The following PSKH2 variants were observed in gnomAD, a reference collection of about 807,000 sequenced individuals.
PSKH2 encodes the protein protein serine kinase H2.
Under a neutral mutation model 22.5 loss-of-function variants are expected in PSKH2, and 16 were observed. The observed-to-expected ratio is 0.71, with a 90% CI of 0.48 to 1.08. The LOEUF is 1.08. Ranked by LOEUF, PSKH2 falls within the 50% of genes least tolerant of loss-of-function variation. The pLI is 0.00. For missense variants in PSKH2, 516 were observed against 492.8 expected (o/e 1.05, Z -0.44); for synonymous variants, 188 against 184.8 (o/e 1.02, Z -0.14).
In PSKH2 at chr8:86,067,969, C is replaced by T. The variant is rs927173224; in HGVS notation, c.185+1469G>A. ...CCTCTACTTCTGTGATGCCTTTACACTCTATGGGGCTGGGTCTACCCCTGG... is the reference window on the plus strand; with the variant it reads ...CCTCTACTTCTGTGATGCCTTTACATTCTATGGGGCTGGGTCTACCCCTGG... On this transcript the variant is annotated intron_variant, in intron 1 of 2. Coordinates refer to ENST00000276616, the MANE Select transcript of PSKH2 (RefSeq NM_033126.3). 4.6e-5 allele frequency among the ~76,000 whole-genome samples: 7 copies of T among 152,274 alleles called. No homozygotes were observed. In the South Asian group the frequency reaches 1.0e-3, roughly 23 times the overall value.
intron 2 of PSKH2, among the ~76,000 whole-genome samples, chr8:86,060,894 C>T (rs1052925560): frequency 1.3e-5 from 2 of 152,178 alleles, no homozygotes; most frequent in African/African-American, 4.8e-5. Context: ...TGTTAATGCT[C>T]CATCTAGACC....
rs1817539451 is a variant in PSKH2, at chr8:86,047,114, A to G, written c.*1348T>C. 6.6e-6 allele frequency among the ~76,000 whole-genome samples: 1 copy of G among 152,066 alleles called. No individual in the cohort carries two copies. The highest frequency in any genetic ancestry group is 6.6e-5 in the Admixed American group (1 of 15,264). On this transcript the variant is annotated 3_prime_UTR_variant, in exon 3 of 3. Transcript: ENST00000276616. ...AAAATTCTTTGCCTTTTAAATTTTC[A>G]TTTTCTTTGTCATTTTTATTTTCAT...
chr8:86,062,499 G>T (rs1298838882), intron 2 of PSKH2, among the ~76,000 whole-genome samples: 2 of 152,176 alleles, frequency 1.3e-5, no homozygotes, highest in East Asian at 3.8e-4. Flanking sequence ...GGAGGGGAAC[G>T]AAGTGGAGGT....
At chr8:86,057,213 C>T (rs1020733057) in intron 2 of PSKH2, among the ~76,000 whole-genome samples, 3 of 151,466 alleles carry the variant, frequency 2.0e-5, no homozygotes, top group Non-Finnish European at 4.4e-5. Context: ...TATAAGCCAC[C>T]ATGCCTGGCC....
At chr8:86,054,564 ATTTC>A (rs1817675727) in intron 2 of PSKH2, among the ~76,000 whole-genome samples, 1 of 152,144 alleles carries the variant, frequency 6.6e-6, no homozygotes, top group Admixed American at 6.6e-5. Flanking sequence ...TAATATTTTT[ATTTC>A]TTTATTTCTC....
intron 2 of PSKH2, among the ~76,000 whole-genome samples, chr8:86,061,453 C>G (rs1817776727): frequency 6.6e-6 from 1 of 152,058 alleles, no homozygotes; most frequent in Non-Finnish European, 1.5e-5. Context: ...TAGTTCCCCC[C>G]AACATTGAAT....
chr8:86,049,083 A>AT (rs1817573819), intron 2 of PSKH2, among the ~76,000 whole-genome samples: 2 of 152,200 alleles, frequency 1.3e-5, no homozygotes, highest in African/African-American at 4.8e-5. Flanking sequence ...ACGAGTTCCC[A>AT]TACTGCATTT....
rs115669504 is a variant in PSKH2 at position 86,059,251 on chromosome 8, G to T, written c.852+4714C>A. On this transcript the variant is annotated intron_variant, in intron 2 of 2. Coordinates refer to ENST00000276616, the MANE Select transcript of PSKH2 (RefSeq NM_033126.3). ...CCACAATGCCCAACCTATTTAATTT[G>T]ATGTTTATACCTGAATTCTGGGGAA... Among the ~76,000 whole-genome samples the T allele has an allele frequency of 5.3e-3, 809 of 152,230 alleles. 8 individuals are homozygous for T. The highest frequency in any genetic ancestry group is 0.018 in the African/African-American group (762 of 41,548).
At chr8:86,069,258 C>A (rs1372189462) in intron 1 of PSKH2, among the ~76,000 whole-genome samples, 180 bp downstream of exon 1, 1 of 152,116 alleles carries the variant, frequency 6.6e-6, no homozygotes, top group African/African-American at 2.4e-5. Context: ...GAAAAAGACA[C>A]TCTTGGGTTG....
chr8:86,048,484 G>T lies in PSKH2; in HGVS notation c.1136C>A (p.Ser379Ter). Residue 379 changes from serine to a stop codon, truncating the protein, a stop_gained, in exon 3 of 3, where the codon TCG (serine) becomes TAG (stop). Coordinates refer to ENST00000276616, the MANE Select transcript of PSKH2 (RefSeq NM_033126.3). LOFTEE classifies it high-confidence loss of function. ...WSKRNLRIVE[S>*]PLSALL ...TGCTTACAAAAGCGCAGACAGTGGC[G>T]ATTCTACTATCCTTAAGTTTCTCTT... 6.2e-7 allele frequency: 1 copy of T among 1,612,394 alleles called. No homozygotes were observed. The highest frequency in any genetic ancestry group is 2.2e-5 in the East Asian group (1 of 44,842).
At chr8:86,061,185 G>A (rs1213130773) in intron 2 of PSKH2, among the ~76,000 whole-genome samples, 1 of 152,046 alleles carries the variant, frequency 6.6e-6, no homozygotes, top group Non-Finnish European at 1.5e-5. Flanking sequence ...TGGCCTCTTT[G>A]CCTCCCTTGT....
At chr8:86,069,678 C>T (rs1412294453), upstream of PSKH2, 6 of 1,443,500 alleles carry the variant, frequency 4.2e-6, no homozygotes, top group East Asian at 1.6e-4. Flanking sequence ...CAGCCAGCCC[C>T]GTTCCTCCGC....
intron 2 of PSKH2, among the ~76,000 whole-genome samples, chr8:86,058,719 C>T (rs1488032775): frequency 6.6e-6 from 1 of 152,070 alleles, no homozygotes; most frequent in Non-Finnish European, 1.5e-5. Context: ...GTGGAATGAT[C>T]ATTGAAGATT....
intron 2 of PSKH2, among the ~76,000 whole-genome samples, chr8:86,059,739 G>T (rs1487947919): frequency 1.3e-5 from 2 of 152,136 alleles, no homozygotes; most frequent in African/African-American, 4.8e-5. Flanking sequence ...TGGGTATTAG[G>T]GCATGGACAT....
At chr8:86,066,497 C>T (rs547297148) in intron 1 of PSKH2, 1 of 152,230 alleles carries the variant, frequency 6.6e-6, no homozygotes, top group African/African-American at 2.4e-5. Context: ...GCCACTGTGC[C>T]TGGACTTCAT....
In PSKH2 at chr8:86,048,693, C is replaced by A. The variant is rs543475155; in HGVS notation, c.927G>T (p.Met309Ile). 6.2e-7 allele frequency: 1 copy of A among 1,614,128 alleles called. No individual in the cohort carries two copies. The highest frequency in any genetic ancestry group is 1.3e-5 in the African/African-American group (1 of 75,036). Residue 309 changes from methionine (M) to isoleucine (I), a missense_variant, in exon 3 of 3, where the codon ATG becomes ATT. By Grantham distance (10) the Met-to-Ile change is conservative. Transcript: ENST00000276616. The stretch of plus-strand genomic sequence containing the variant: ...GATGGTCCAGGGCCTGGCCAGCTGA[C>A]ATGCGATGACCAGCCTCCAAAATCA... ...KLLILEAGHR[M>I]SAGQALDHPW...
intron 2 of PSKH2, among the ~76,000 whole-genome samples, chr8:86,062,943 TA>T (rs201794721): frequency 0.014 from 2,174 of 152,302 alleles, 43 homozygotes; most frequent in African/African-American, 0.049. Context: ...TGAAAGACAA[TA>T]AAAAGACATT....
At chr8:86,063,555 C>T (rs1039533093) in intron 2 of PSKH2, among the ~76,000 whole-genome samples, 2 of 152,220 alleles carry the variant, frequency 1.3e-5, no homozygotes, top group African/African-American at 4.8e-5. Flanking sequence ...AACACCCAAG[C>T]GTCATGCTGA....
chr8:86,058,705 A>C lies in PSKH2; in HGVS notation c.852+5260T>G, dbSNP rs142790828. Among the ~76,000 whole-genome samples, 523 of 152,352 alleles carry C rather than the reference A, an allele frequency of 3.4e-3. 2 individuals are homozygous for C. Among genetic ancestry groups the C allele is most frequent in the Non-Finnish European group, 5.5e-3 (376 of 68,034 alleles). ...GTATTTGGAAAAGGGAAAGAATGACAGAAGTGGAATGATCATTGAAGATTT... is the reference window on the plus strand; with the variant it reads ...GTATTTGGAAAAGGGAAAGAATGACCGAAGTGGAATGATCATTGAAGATTT... On this transcript the variant is annotated intron_variant, in intron 2 of 2. Transcript: ENST00000276616.
Sources: allele counts gnomAD v4.1 joint callset (sites outside exome capture counted in the v4.1 genomes callset), GRCh38; gene constraint gnomAD v4.1.1; transcripts MANE v1.5; gene names NCBI Gene and HGNC (gene_info 2026-07-23, HGNC 2026-07-21).